Variants in ABTB2 observed in about 807,000 individuals in gnomAD.
ABTB2 encodes the protein ankyrin repeat and BTB domain containing 2, also known as ankyrin repeat and BTB/POZ domain-containing protein 2.
A neutral mutation model predicts 104.1 loss-of-function variants in ABTB2; 56 were observed. The observed-to-expected ratio is 0.54, with a 90% confidence interval of 0.43 to 0.67. The LOEUF is 0.67. ABTB2 is among the 30% of genes least tolerant of loss of function. The pLI, the probability that ABTB2 is intolerant of heterozygous loss-of-function variation, is 0.00. For missense variants in ABTB2, 1,279 were observed against 1,407.7 expected, an observed-to-expected ratio of 0.91 and a Z score of 1.46; for synonymous variants, 606 against 608.2, an observed-to-expected ratio of 1.00 and a Z score of 0.05.
chr11:34,286,692 G>A (rs1038386492), intron 1 of ABTB2, among the ~76,000 whole-genome samples: 3 of 151,904 alleles, frequency 2.0e-5, no homozygotes, highest in Non-Finnish European at 2.9e-5. Context: ...CCTGTTTTTG[G>A]TTCTCACCAT....
chr11:34,313,736 G>A (rs993731245), intron 1 of ABTB2, among the ~76,000 whole-genome samples: 3 of 152,240 alleles, frequency 2.0e-5, no homozygotes, highest in Non-Finnish European at 4.4e-5. Flanking sequence ...GTTATGATAG[G>A]ACTTTGCAAC....
intron 1 of ABTB2, among the ~76,000 whole-genome samples, chr11:34,341,878 A>G (rs1048618782): frequency 3.9e-5 from 6 of 152,232 alleles, no homozygotes; most frequent in Non-Finnish European, 8.8e-5. Context: ...GGCCATTTCC[A>G]AAACAAATGA....
intron 1 of ABTB2, among the ~76,000 whole-genome samples, chr11:34,308,035 T>C (rs1854799139): frequency 6.6e-6 from 1 of 152,116 alleles, no homozygotes; most frequent in Non-Finnish European, 1.5e-5. Context: ...AATCAAAAGG[T>C]GGATTTTTTG....
intron 3 of ABTB2, among the ~76,000 whole-genome samples, chr11:34,176,609 T>A (rs544085479): frequency 6.6e-6 from 1 of 152,272 alleles, no homozygotes; most frequent in Admixed American, 6.5e-5. Flanking sequence ...ACCACTCCCC[T>A]GCAGCCTGGG....
At chr11:34,216,155 T>C (rs1179200220) in intron 1 of ABTB2, among the ~76,000 whole-genome samples, 1 of 152,168 alleles carries the variant, frequency 6.6e-6, no homozygotes, top group African/African-American at 2.4e-5. Context: ...CAAATAAATA[T>C]TGGATACAAA....
chr11:34,214,797 A>T (rs1853530017), intron 1 of ABTB2, among the ~76,000 whole-genome samples: 1 of 152,128 alleles, frequency 6.6e-6, no homozygotes, highest in African/African-American at 2.4e-5. Flanking sequence ...ATTATTCTTC[A>T]TACTTTTTAA....
intron 3 of ABTB2, among the ~76,000 whole-genome samples, chr11:34,175,995 A>AG (rs1276257778): frequency 6.6e-6 from 1 of 152,176 alleles, no homozygotes; most frequent in Non-Finnish European, 1.5e-5. Flanking sequence ...CCCAAAAAAA[A>AG]GGGGGGCTGG....
chr11:34,335,830 T>A (rs1427948750), intron 1 of ABTB2: 2 of 1,307,410 alleles, frequency 1.5e-6, no homozygotes, highest in Non-Finnish European at 2.2e-6. Flanking sequence ...CATAGTTTCA[T>A]CAGGCCACAC....
chr11:34,166,936 C>T (rs1480382434), intron 7 of ABTB2, among the ~76,000 whole-genome samples: 3 of 152,186 alleles, frequency 2.0e-5, no homozygotes, highest in Non-Finnish European at 4.4e-5. Context: ...CGGCTGTAGG[C>T]GAGAAAGCTG....
Position 34,152,481 on chromosome 11 carries a change from C to T in ABTB2, c.2984G>A (p.Arg995His), listed in dbSNP as rs371133755. Residue 995 changes from arginine (R) to histidine (H), a missense_variant, in exon 17 of 17, where the codon CGC (arginine) becomes CAC (histidine). Coordinates refer to ENST00000435224, the MANE Select transcript of ABTB2 (RefSeq NM_145804.3). ...ATCCAGGCCCTGCACTTTGCTGCTG[C>T]GGCCGTAGATGAGCTGCCGGAAGGC... ...QDAFRQLIYG[R>H]SSKVQGLDPL... The T allele has an allele frequency of 3.3e-5, 53 of 1,606,628 alleles. No homozygotes were observed. In the Middle Eastern group the frequency reaches 5.9e-4, roughly 18 times the overall value.
intron 10 of ABTB2, 93 bp from the exon 11 acceptor site, chr11:34,161,174 T>G (rs1180009087): frequency 7.5e-7 from 1 of 1,326,234 alleles, no homozygotes; most frequent in Admixed American, 2.7e-5. Flanking sequence ...TCTCTCGGGA[T>G]GCCCCCGCTG....
At chr11:34,233,089 G>A (rs970192348) in intron 1 of ABTB2, among the ~76,000 whole-genome samples, 4 of 152,044 alleles carry the variant, frequency 2.6e-5, no homozygotes, top group Admixed American at 6.6e-5. Context: ...TGGCTAGGGA[G>A]GTAGCTGTTT....
intron 3 of ABTB2, among the ~76,000 whole-genome samples, chr11:34,192,478 C>T (rs538720829): frequency 6.6e-6 from 1 of 152,344 alleles, no homozygotes; most frequent in East Asian, 1.9e-4. Context: ...GAAGTCATGA[C>T]ACCAGAGGTT....
intron 3 of ABTB2, among the ~76,000 whole-genome samples, chr11:34,187,759 G>A (rs1440289816): frequency 2.6e-5 from 4 of 152,166 alleles, no homozygotes; most frequent in Non-Finnish European, 5.9e-5. Flanking sequence ...AAAGTGCTAG[G>A]ATTACAGGTG....
At chr11:34,334,315 C>G (rs191901475) in intron 1 of ABTB2, among the ~76,000 whole-genome samples, 1 of 152,238 alleles carries the variant, frequency 6.6e-6, no homozygotes, top group East Asian at 1.9e-4. Context: ...CTTAAATATC[C>G]CTACTGTTCT....
chr11:34,325,904 T>C (rs565375209), intron 1 of ABTB2, among the ~76,000 whole-genome samples: 45 of 149,656 alleles, frequency 3.0e-4, no homozygotes, highest in East Asian at 2.0e-4. Flanking sequence ...TAAGCTGAGA[T>C]TGCAACACTG....
intron 8 of ABTB2, 28 bp from the exon 9 acceptor site, chr11:34,164,849 G>A: frequency 6.3e-7 from 1 of 1,575,560 alleles, no homozygotes; most frequent in Non-Finnish European, 8.6e-7. Context: ...CAGCACGGAG[G>A]ACACTGAGAC....
intron 1 of ABTB2, among the ~76,000 whole-genome samples, chr11:34,256,621 G>A (rs112131665): frequency 1.6e-3 from 236 of 152,248 alleles, no homozygotes; most frequent in Middle Eastern, 3.4e-3. Context: ...ACATGGTGTC[G>A]GCAACCTGTA....
chr11:34,332,788 C>A (rs1855147576), intron 1 of ABTB2, among the ~76,000 whole-genome samples: 1 of 151,730 alleles, frequency 6.6e-6, no homozygotes, highest in Non-Finnish European at 1.5e-5. Context: ...TTTCCTCTGC[C>A]TTATTAAGCA....
Sources: allele counts gnomAD v4.1 joint callset (sites outside exome capture counted in the v4.1 genomes callset), GRCh38; gene constraint gnomAD v4.1.1; transcripts MANE v1.5; gene names NCBI Gene and HGNC (gene_info 2026-07-23, HGNC 2026-07-21).